MAML2: variants seen among roughly 807,000 people sequenced by gnomAD.
The protein encoded by MAML2 is mastermind-like protein 2.
A neutral mutation model predicts 96.1 loss-of-function variants in MAML2; 22 were observed. The ratio of observed to expected loss-of-function variants is 0.23; its 90% CI spans 0.16 to 0.33. MAML2 has a LOEUF of 0.33. Ranked by LOEUF, MAML2 falls within the 10% of genes least tolerant of loss-of-function variation. MAML2 has a pLI of 1.00. For missense variants in MAML2, 1,367 were observed against 1,392.4 expected (o/e 0.98, Z 0.29); for synonymous variants, 561 against 521.3 (o/e 1.08, Z -1.04).
chr11:96,026,395 G>A (rs915432963), intron 2 of MAML2, among the ~76,000 whole-genome samples: 1 of 152,172 alleles, frequency 6.6e-6, no homozygotes, highest in Admixed American at 6.5e-5. Context: ...AGAGATAATA[G>A]TTGGGTTTGA....
At chr11:96,076,815 G>T (rs761282149) in intron 2 of MAML2, among the ~76,000 whole-genome samples, 1 of 152,194 alleles carries the variant, frequency 6.6e-6, no homozygotes, top group African/African-American at 2.4e-5. Flanking sequence ...TCTTGCTGCT[G>T]TCTATAAATG....
chr11:96,085,411 G>T (rs1388098976), intron 2 of MAML2, among the ~76,000 whole-genome samples: 2 of 152,048 alleles, frequency 1.3e-5, no homozygotes, highest in African/African-American at 4.8e-5. Flanking sequence ...ATGGGTTTTT[G>T]CCTCCTTTGG....
At chr11:96,315,843 A>G (rs1218565408) in intron 1 of MAML2, among the ~76,000 whole-genome samples, 2 of 152,220 alleles carry the variant, frequency 1.3e-5, no homozygotes, top group Admixed American at 6.5e-5. Context: ...TCTTGACTAC[A>G]CAAGCTTCAG....
intron 2 of MAML2, among the ~76,000 whole-genome samples, chr11:96,068,478 A>ACACACACACAGAGG (rs71040127): frequency 1.3e-5 from 2 of 150,692 alleles, no homozygotes; most frequent in Non-Finnish European, 3.0e-5. Flanking sequence ...ACACACACAC[A>ACACACACACAGAGG]GAGGGAGGGA....
At chr11:96,301,852 C>A (rs1295690360) in intron 1 of MAML2, among the ~76,000 whole-genome samples, 1 of 152,160 alleles carries the variant, frequency 6.6e-6, no homozygotes, top group African/African-American at 2.4e-5. Context: ...CTAAATTGAA[C>A]CATAATTCAC....
In MAML2 at chr11:96,343,176, G is replaced by T; in HGVS notation, c.-1281C>A. The T allele has an allele frequency of 3.0e-6, 1 of 335,004 alleles. No individual in the cohort carries two copies. Among genetic ancestry groups the T allele is most frequent in the East Asian group, 4.5e-5 (1 of 22,288 alleles). The allele number at this position is 335,004 out of a possible 1,614,324, so 20.8% of individuals were successfully genotyped here. ...GCTTTCATTGTGCTCCGATAGGAGA[G>T]GGAGAGAAAGAGAGAGAGTGAGACA... On this transcript the variant is annotated 5_prime_UTR_variant, in exon 1 of 5. Transcript: ENST00000524717.
intron 2 of MAML2, among the ~76,000 whole-genome samples, chr11:95,993,418 T>C (rs1857944480): frequency 6.6e-6 from 1 of 151,734 alleles, no homozygotes; most frequent in Non-Finnish European, 1.5e-5. Flanking sequence ...AATATGAAAA[T>C]TAGTTGGGTG....
chr11:96,279,701 C>A (rs942756673), intron 1 of MAML2, among the ~76,000 whole-genome samples: 1 of 152,120 alleles, frequency 6.6e-6, no homozygotes, highest in Non-Finnish European at 1.5e-5. Flanking sequence ...TCACCTGTGT[C>A]CTTGCTAACC....
chr11:96,081,299 T>A (rs1262150900), intron 2 of MAML2, among the ~76,000 whole-genome samples: 7 of 152,028 alleles, frequency 4.6e-5, no homozygotes, highest in Non-Finnish European at 8.8e-5. Context: ...TAATATTCAT[T>A]ATGAATATGA....
At chr11:96,097,668 A>G (rs1417483617) in intron 1 of MAML2, among the ~76,000 whole-genome samples, 2 of 152,208 alleles carry the variant, frequency 1.3e-5, no homozygotes, top group Admixed American at 6.5e-5. Context: ...ATATTAATTT[A>G]TCTTTTTGCC....
At chr11:96,226,434 C>G (rs7126084) in intron 1 of MAML2, among the ~76,000 whole-genome samples, 6,660 of 152,228 alleles carry the variant, frequency 0.044, 513 homozygotes, top group African/African-American at 0.15. Context: ...CATCCTCAGG[C>G]ATGAAGGACA....
chr11:96,150,370 C>A (rs116408948), intron 1 of MAML2, among the ~76,000 whole-genome samples: 1,553 of 152,246 alleles, frequency 0.01, 28 homozygotes, highest in African/African-American at 0.035. Context: ...GGATACCTAA[C>A]CCAGACTGGG....
intron 1 of MAML2, among the ~76,000 whole-genome samples, chr11:96,287,133 G>A (rs1367985246): frequency 6.6e-6 from 1 of 152,180 alleles, no homozygotes; most frequent in Non-Finnish European, 1.5e-5. Flanking sequence ...GAAGAATATT[G>A]TCATCAGATA....
At chr11:96,169,935 G>A (rs1437479315) in intron 1 of MAML2, among the ~76,000 whole-genome samples, 1 of 152,242 alleles carries the variant, frequency 6.6e-6, no homozygotes, top group African/African-American at 2.4e-5. Flanking sequence ...TTGCAGGCGT[G>A]GGCCACCGTG....
intron 3 of MAML2, among the ~76,000 whole-genome samples, chr11:95,986,565 G>T (rs558052359): frequency 3.3e-5 from 5 of 152,092 alleles, no homozygotes; most frequent in South Asian, 4.2e-4. Flanking sequence ...TAACCAACAG[G>T]TACCGATATA....
intron 1 of MAML2, among the ~76,000 whole-genome samples, chr11:96,297,337 A>T (rs1312158109): frequency 6.6e-6 from 1 of 152,160 alleles, no homozygotes; most frequent in East Asian, 1.9e-4. Context: ...CACTTTGGGA[A>T]ACCAAGGCAG....
chr11:96,236,895 T>C (rs1862373809), intron 1 of MAML2, among the ~76,000 whole-genome samples: 1 of 152,204 alleles, frequency 6.6e-6, no homozygotes, highest in Admixed American at 6.5e-5. Flanking sequence ...AGTGCTTTTC[T>C]TTGCAAGAAA....
At chr11:96,318,479 A>C (rs1863659940) in intron 1 of MAML2, among the ~76,000 whole-genome samples, 1 of 152,234 alleles carries the variant, frequency 6.6e-6, no homozygotes, top group South Asian at 2.1e-4. Context: ...GAGAGTTTAT[A>C]TTGTTGCTAC....
chr11:96,235,493 C>T (rs1862355342), intron 1 of MAML2, among the ~76,000 whole-genome samples: 1 of 152,172 alleles, frequency 6.6e-6, no homozygotes, highest in Non-Finnish European at 1.5e-5. Context: ...AACTGAAAGT[C>T]AGGAGACCTT....
Sources: gnomAD v4.1 joint callset for allele counts (sites outside exome capture counted in the v4.1 genomes callset) on GRCh38, gnomAD v4.1.1 for gene constraint, MANE v1.5 for transcripts, NCBI Gene and HGNC (gene_info 2026-07-23, HGNC 2026-07-21) for gene names.